The following ZNF609 variants were observed in gnomAD, a reference collection of about 807,000 sequenced individuals.
ZNF609 encodes the protein zinc finger protein 609.
Under a neutral mutation model 109.5 loss-of-function variants are expected in ZNF609, and 11 were observed. The ratio of observed to expected loss-of-function variants is 0.10; its 90% CI spans 0.06 to 0.17. ZNF609 has a LOEUF of 0.17. ZNF609 is among the 10% of genes least tolerant of loss of function. ZNF609 has a pLI of 1.00. For missense variants in ZNF609, 1,559 were observed against 1,772.4 expected, an observed-to-expected ratio of 0.88 and a Z score of 2.16; for synonymous variants, 646 against 662.0, an observed-to-expected ratio of 0.98 and a Z score of 0.37.
chr15:64,604,512 G>C (rs534766947), intron 2 of ZNF609, among the ~76,000 whole-genome samples: 152 of 152,328 alleles, frequency 1.0e-3, no homozygotes, highest in African/African-American at 3.6e-3. Context: ...TGTCAGCTAG[G>C]ATAGAGGTGG....
At chr15:64,670,513 G>A in intron 4 of ZNF609, 80 bp downstream of exon 4, 3 of 1,184,698 alleles carry the variant, frequency 2.5e-6, no homozygotes, top group Non-Finnish European at 3.8e-6. Flanking sequence ...TCCTGCTAGA[G>A]TTGTACATCC....
chr15:64,529,444 TG>T, intron 2 of ZNF609: 1 of 901,640 alleles, frequency 1.1e-6, no homozygotes, highest in Middle Eastern at 3.3e-4. Context: ...TCCTGGAAAA[TG>T]GGTGATGGGG....
chr15:64,506,519 G>A (rs1020753291), intron 2 of ZNF609, among the ~76,000 whole-genome samples: 2 of 151,160 alleles, frequency 1.3e-5, no homozygotes, highest in African/African-American at 4.8e-5. Flanking sequence ...TCGGGAGTTC[G>A]AGACCAGCCT....
At chr15:64,672,867 G>A (rs1896755875) in intron 4 of ZNF609, among the ~76,000 whole-genome samples, 1 of 151,572 alleles carries the variant, frequency 6.6e-6, no homozygotes, top group Non-Finnish European at 1.5e-5. Flanking sequence ...GGGAGCCTGA[G>A]GCAGGAGAAC....
chr15:64,561,686 A>G (rs563953990), intron 2 of ZNF609, among the ~76,000 whole-genome samples: 2 of 151,754 alleles, frequency 1.3e-5, no homozygotes, highest in Non-Finnish European at 1.5e-5. Context: ...GTGAGCCACC[A>G]TGCCTGGGCA....
intron 3 of ZNF609, among the ~76,000 whole-genome samples, chr15:64,663,821 A>G (rs915662262): frequency 1.3e-5 from 2 of 152,196 alleles, no homozygotes; most frequent in African/African-American, 4.8e-5. Context: ...TCTTTCTACT[A>G]TTATACTTGG....
chr15:64,573,759 G>A (rs1012703414), intron 2 of ZNF609, among the ~76,000 whole-genome samples: 2 of 151,948 alleles, frequency 1.3e-5, no homozygotes, highest in African/African-American at 2.4e-5. Flanking sequence ...TGCATATGTG[G>A]GTTTACCATG....
intron 3 of ZNF609, among the ~76,000 whole-genome samples, chr15:64,652,003 G>T (rs190066869): frequency 6.6e-6 from 1 of 151,864 alleles, no homozygotes; most frequent in Non-Finnish European, 1.5e-5. Flanking sequence ...AAAAACTTAA[G>T]ACATGAAACC....
At position 64,499,661 on chromosome 15, in the gene ZNF609, C is replaced by T; in HGVS notation, c.242C>T (p.Pro81Leu). 1.2e-6 allele frequency: 2 copies of T among 1,614,126 alleles called. No individual in the cohort carries two copies. The highest frequency in any genetic ancestry group is 1.7e-6 in the Non-Finnish European group (2 of 1,180,020). Residue 81 changes from proline (P) to leucine (L), a missense_variant, in exon 2 of 10, where the codon CCT becomes CTT. Transcript: ENST00000326648. Reference protein sequence around the residue: ...NIKFVTPVPGPQGKEGKSKSK... With the variant: ...NIKFVTPVPGLQGKEGKSKSK... The stretch of plus-strand genomic sequence containing the variant: ...AAGTTTGTGACCCCAGTGCCAGGTC[C>T]TCAAGGGAAGGAAGGCAAATCAAAA...
chr15:64,539,167 T>C (rs376009753), intron 2 of ZNF609, among the ~76,000 whole-genome samples: 1 of 101,324 alleles, frequency 9.9e-6, no homozygotes, highest in African/African-American at 4.9e-5. Context: ...CCATGCCTTA[T>C]TTATTTATTT....
At position 64,469,025 on chromosome 15, in the gene ZNF609, G is replaced by A. The variant is rs1596374164; in HGVS notation, c.-128+8187G>A. Reference sequence around the variant, plus strand: ...GGAGACCAGCCTGGGCAACAGAGAGGCCTCATATCTTAAAAAAAAAAAAAA... The same window carrying A: ...GGAGACCAGCCTGGGCAACAGAGAGACCTCATATCTTAAAAAAAAAAAAAA... On this transcript the variant is annotated intron_variant, in intron 1 of 9. Coordinates refer to ENST00000326648, the MANE Select transcript of ZNF609 (RefSeq NM_015042.2). Among the ~76,000 whole-genome samples, 5 of 107,880 alleles carry A rather than the reference G, an allele frequency of 4.6e-5. No homozygotes were observed. In the South Asian group the frequency reaches 1.6e-3, roughly 35 times the overall value. The allele number at this position is 107,880 out of a possible 152,430, so 70.8% of individuals were successfully genotyped here. A position where few individuals can be genotyped will look rare whatever the true frequency, so the allele number is the denominator to read the frequency against.
At chr15:64,539,039 T>C (rs1202290630) in intron 2 of ZNF609, among the ~76,000 whole-genome samples, 1 of 151,934 alleles carries the variant, frequency 6.6e-6, no homozygotes. Flanking sequence ...AGTCTTGTTC[T>C]GTCACCCAGG....
chr15:64,540,558 C>G (rs1243535052), intron 2 of ZNF609, among the ~76,000 whole-genome samples: 4 of 151,838 alleles, frequency 2.6e-5, no homozygotes, highest in African/African-American at 9.7e-5. Flanking sequence ...GTGCGTGCCA[C>G]TGTGCCCAGC....
intron 2 of ZNF609, among the ~76,000 whole-genome samples, chr15:64,557,800 C>T (rs1219765662): frequency 3.3e-5 from 5 of 152,044 alleles, no homozygotes; most frequent in Admixed American, 2.6e-4. Flanking sequence ...AGGTTCACGC[C>T]GTTCTCCTGC....
intron 3 of ZNF609, among the ~76,000 whole-genome samples, chr15:64,666,504 T>C (rs1896650736): frequency 6.6e-6 from 1 of 152,168 alleles, no homozygotes; most frequent in Non-Finnish European, 1.5e-5. Flanking sequence ...TTTACTTTAT[T>C]GTATTTATTT....
intron 1 of ZNF609, among the ~76,000 whole-genome samples, chr15:64,473,378 T>G (rs2140331569): frequency 6.6e-6 from 1 of 151,550 alleles, no homozygotes; most frequent in African/African-American, 2.4e-5. Flanking sequence ...TTTGTATTTT[T>G]AGTAGAGACA....
intron 2 of ZNF609, among the ~76,000 whole-genome samples, chr15:64,595,500 C>T (rs559488773): frequency 2.0e-5 from 3 of 152,168 alleles, no homozygotes; most frequent in Admixed American, 1.3e-4. Context: ...CATTTGAGCC[C>T]GTACATCAGG....
chr15:64,539,487 G>A (rs574256046), intron 2 of ZNF609, among the ~76,000 whole-genome samples: 104 of 146,998 alleles, frequency 7.1e-4, no homozygotes, highest in African/African-American at 2.3e-3. Context: ...GATTACAGGC[G>A]TGAGCCACTG....
chr15:64,523,608 CA>C lies in ZNF609; in HGVS notation c.747+23447del, dbSNP rs1226285347. On this transcript the variant is annotated intron_variant, in intron 2 of 9. Transcript: ENST00000326648. ...TCGTGAAACCCTGTCTCTAAAAATA[CA>C]AAAATTAGCCAGATGTGGTGATGCA... 2.0e-5 allele frequency among the ~76,000 whole-genome samples: 3 copies of C among 151,880 alleles called. No individual in the cohort carries two copies. The East Asian group carries it at 5.8e-4, about 29-fold the overall frequency.
Sources: allele counts gnomAD v4.1 joint callset (sites outside exome capture counted in the v4.1 genomes callset), GRCh38; gene constraint gnomAD v4.1.1; transcripts MANE v1.5; gene names NCBI Gene and HGNC (gene_info 2026-07-23, HGNC 2026-07-21).